The following MYOM2 variants were observed in gnomAD, a reference collection of about 807,000 sequenced individuals.
MYOM2 encodes the protein myomesin 2.
A neutral mutation model predicts 187.6 loss-of-function variants in MYOM2; 254 were observed. That is an observed-to-expected ratio of 1.35 (90% CI 1.22 to 1.50). The LOEUF (loss-of-function observed/expected upper bound fraction) is 1.50, where lower values mean the gene tolerates loss of function less well. MYOM2 is among the 40% of genes most tolerant of loss of function. MYOM2 has a pLI of 0.00. For synonymous variants in MYOM2, 981 were observed against 753.8 expected (o/e 1.30, Z -4.94); for missense variants, 2,796 against 1,924.0 (o/e 1.45, Z -8.48).
At position 2,090,178 on chromosome 8, in the gene MYOM2, C is replaced by T. The variant is rs770771798; in HGVS notation, c.1815C>T (p.Ala605=). 3.1e-6 allele frequency: 5 copies of T among 1,613,266 alleles called. No individual in the cohort carries two copies. The highest frequency in any genetic ancestry group is 4.2e-6 in the Non-Finnish European group (5 of 1,179,474). The change falls in exon 15 of 37, where the codon GCC becomes GCT. Residue 605 remains alanine, a synonymous_variant. Coordinates refer to ENST00000262113, the MANE Select transcript of MYOM2 (RefSeq NM_003970.4). ...CGGAGATAACGTCCCCCATTCAGGC[C>T]CAGGATGTGACCGGTGAGCTGTCAC... ...EPSEITSPIQ[A]QDVTVVPSAP...
At chr8:2,143,571 A>T in intron 36 of MYOM2, 115 bp downstream of exon 36, 1 of 1,284,956 alleles carries the variant, frequency 7.8e-7, no homozygotes, top group South Asian at 1.2e-5. Flanking sequence ...GTCCTCACTC[A>T]GCCTGCAGGG....
chr8:2,102,594 A>G (rs553316927), intron 20 of MYOM2, 73 bp from the exon 21 acceptor site: 1 of 1,054,436 alleles, frequency 9.5e-7, no homozygotes, highest in Admixed American at 2.1e-5. Flanking sequence ...CCTATTCACA[A>G]TAAAATGTGA....
intron 17 of MYOM2, among the ~76,000 whole-genome samples, chr8:2,095,647 CAG>C (rs905317364): frequency 6.6e-6 from 1 of 152,156 alleles, no homozygotes; most frequent in Non-Finnish European, 1.5e-5. Flanking sequence ...TCTCAGGTAA[CAG>C]AGGATGGCCA....
At chr8:2,092,981 G>A (rs1041899719) in intron 16 of MYOM2, among the ~76,000 whole-genome samples, 3 of 152,156 alleles carry the variant, frequency 2.0e-5, no homozygotes, top group Admixed American at 6.5e-5. Context: ...CAGCCTCGGG[G>A]GATGCTGGTT....
rs756903053 is a variant in MYOM2 at position 2,078,877 on chromosome 8, C to A, written c.1406C>A (p.Ser469Tyr). 52 of 1,613,932 alleles carry A rather than the reference C, an allele frequency of 3.2e-5. No individual in the cohort carries two copies. The highest frequency in any genetic ancestry group is 4.3e-5 in the Non-Finnish European group (51 of 1,179,930). ...AVNSAGISRP[S>Y]RVSDAVAALD... ...AACAGTGCGGGCATCAGCCGACCCT[C>A]CAGGGTCTCTGATGCGGTGGCTGCA... The change falls in exon 12 of 37, where the codon TCC (serine) becomes TAC (tyrosine). Residue 469 changes from serine to tyrosine, a missense_variant. Physicochemically the swap from Ser to Tyr is moderately radical, Grantham distance 144. Coordinates refer to ENST00000262113, the MANE Select transcript of MYOM2 (RefSeq NM_003970.4).
At chr8:2,056,324 G>A (rs1383581676) in intron 3 of MYOM2, among the ~76,000 whole-genome samples, 3 of 152,156 alleles carry the variant, frequency 2.0e-5, no homozygotes, top group Non-Finnish European at 2.9e-5. Context: ...AATCCCAAGA[G>A]GGGAGCAGAA....
At chr8:2,141,095 T>A in intron 33 of MYOM2, 46 bp from the exon 34 acceptor site, 1 of 1,573,444 alleles carries the variant, frequency 6.4e-7, no homozygotes, top group South Asian at 1.2e-5. Context: ...ATAAATAAAA[T>A]CTGAACACTG....
chr8:2,102,132 G>C (rs74482871), intron 20 of MYOM2: 1 of 152,560 alleles, frequency 6.6e-6, no homozygotes, highest in Non-Finnish European at 1.5e-5. Flanking sequence ...GAAACCCTTT[G>C]ATGACAGGAA....
chr8:2,107,008 A>C (rs62478421), intron 23 of MYOM2, among the ~76,000 whole-genome samples: 6,185 of 152,298 alleles, frequency 0.041, 164 homozygotes, highest in Admixed American at 0.084. Context: ...TGCATGTAAA[A>C]TAATTTTAAC....
In MYOM2 at chr8:2,075,556, T is replaced by C. The variant is rs184508538; in HGVS notation, c.1121-585T>C. 1.4e-3 allele frequency among the ~76,000 whole-genome samples: 206 copies of C among 152,262 alleles called. 1 individual carries two copies. The highest frequency in any genetic ancestry group is 6.8e-3 in the Middle Eastern group (2 of 292). ...CAGCCAGGGCTGCTGAATAAATACA[T>C]AGTTTAGATAAGAAGGTTCACATTC... On this transcript the variant is annotated intron_variant, in intron 10 of 36. Transcript: ENST00000262113.
chr8:2,062,406 G>C (rs146302206), intron 6 of MYOM2, among the ~76,000 whole-genome samples: 3 of 152,192 alleles, frequency 2.0e-5, no homozygotes, highest in Non-Finnish European at 4.4e-5. Context: ...GGGAGCAGGG[G>C]AGTGGGAAGA....
intron 11 of MYOM2, among the ~76,000 whole-genome samples, chr8:2,078,199 A>G (rs924038788): frequency 1.3e-5 from 2 of 152,224 alleles, no homozygotes; most frequent in Admixed American, 1.3e-4. Flanking sequence ...TCCACATGAG[A>G]GGCATTCTAG....
At chr8:2,057,870 C>G in intron 5 of MYOM2, 90 bp downstream of exon 5, 1 of 1,440,590 alleles carries the variant, frequency 6.9e-7, no homozygotes, top group Non-Finnish European at 9.4e-7. Flanking sequence ...GCCATTGAAC[C>G]TGTGCTGGAG....
intron 24 of MYOM2, 27 bp from the exon 25 acceptor site, chr8:2,109,368 G>T: frequency 4.4e-6 from 7 of 1,581,690 alleles, no homozygotes; most frequent in Non-Finnish European, 6.0e-6. Context: ...ATGCATTATT[G>T]ACTTGCGATT....
chr8:2,107,037 C>A (rs1796916772), intron 23 of MYOM2, among the ~76,000 whole-genome samples: 1 of 152,120 alleles, frequency 6.6e-6, no homozygotes, highest in Non-Finnish European at 1.5e-5. Context: ...TGAAAATCTG[C>A]TGCTGTGTTA....
At chr8:2,084,600 A>G (rs1322895785) in intron 13 of MYOM2, among the ~76,000 whole-genome samples, 3 of 152,234 alleles carry the variant, frequency 2.0e-5, no homozygotes, top group Non-Finnish European at 4.4e-5. Context: ...CTCATAGTAT[A>G]TTTAAAAAAG....
chr8:2,131,069 C>A (rs558417212), intron 32 of MYOM2, among the ~76,000 whole-genome samples: 1 of 152,184 alleles, frequency 6.6e-6, no homozygotes, highest in Non-Finnish European at 1.5e-5. Flanking sequence ...GTTTGTAGTA[C>A]AGGCCATGCG....
intron 1 of MYOM2, among the ~76,000 whole-genome samples, chr8:2,046,711 C>G (rs531388908): frequency 6.6e-6 from 1 of 151,212 alleles, no homozygotes; most frequent in South Asian, 2.1e-4. Flanking sequence ...AACTACCCTG[C>G]GAGGAAAAGC....
At chr8:2,116,343 C>G (rs969463752) in intron 27 of MYOM2, 68 bp downstream of exon 27, 13 of 1,464,170 alleles carry the variant, frequency 8.9e-6, no homozygotes, top group Admixed American at 7.9e-5. Flanking sequence ...GAGTATTTGT[C>G]AGAAGCAGAT....
Sources: gnomAD v4.1 joint callset for allele counts (sites outside exome capture counted in the v4.1 genomes callset) on GRCh38, gnomAD v4.1.1 for gene constraint, MANE v1.5 for transcripts, NCBI Gene and HGNC (gene_info 2026-07-23, HGNC 2026-07-21) for gene names.